WAC: variants seen among roughly 807,000 people sequenced by gnomAD.
WAC encodes WW domain containing adaptor with coiled-coil.
Under a neutral mutation model 79.6 loss-of-function variants are expected in WAC, and 11 were observed. That is an observed-to-expected ratio of 0.14 (90% CI 0.09 to 0.23). The LOEUF (loss-of-function observed/expected upper bound fraction) is 0.23. Among genes scored for constraint, WAC ranks in the 10% least tolerant of loss-of-function variants. WAC has a pLI of 1.00. For synonymous variants in WAC, 304 were observed against 276.9 expected, an observed-to-expected ratio of 1.10 and a Z score of -0.97; for missense variants, 728 against 773.5, an observed-to-expected ratio of 0.94 and a Z score of 0.70.
At chr10:28,611,751 T>G (rs781266495) in intron 9 of WAC, 23 bp from the exon 10 acceptor site, 60 of 1,600,462 alleles carry the variant, frequency 3.7e-5, no homozygotes, top group Non-Finnish European at 4.8e-5. Context: ...TTCTTTAAAA[T>G]TAATTGCTTC....
intron 3 of WAC, among the ~76,000 whole-genome samples, chr10:28,550,083 C>T (rs1837574833): frequency 6.6e-6 from 1 of 151,656 alleles, no homozygotes; most frequent in Non-Finnish European, 1.5e-5. Context: ...GCAGGAGAAT[C>T]GCTTGAACTT....
chr10:28,562,958 A>G (rs914695991), intron 3 of WAC, among the ~76,000 whole-genome samples: 1 of 152,192 alleles, frequency 6.6e-6, no homozygotes, highest in South Asian at 2.1e-4. Flanking sequence ...AACAATTACT[A>G]GTGTGCAGCG....
At chr10:28,537,026 G>A (rs1246870087) in intron 3 of WAC, among the ~76,000 whole-genome samples, 1 of 152,152 alleles carries the variant, frequency 6.6e-6, no homozygotes, top group Admixed American at 6.5e-5. Context: ...GCTTTATTCA[G>A]TGTGATCATA....
chr10:28,550,073 G>T (rs1348618883), intron 3 of WAC, among the ~76,000 whole-genome samples: 1 of 151,930 alleles, frequency 6.6e-6, no homozygotes, highest in East Asian at 1.9e-4. Context: ...GGCTGATGAG[G>T]CAGGAGAATC....
In WAC at chr10:28,534,955, G is replaced by C. The variant is rs566570038; in HGVS notation, c.79-607G>C. Among the ~76,000 whole-genome samples the C allele has an allele frequency of 3.5e-4, 53 of 152,256 alleles. No homozygotes were observed. In the East Asian group the frequency reaches 6.7e-3, roughly 19 times the overall value. ...GATATGTGTTAGAATAAAGCTAAAC[G>C]ATTATTTTGAGCGCATTATGCTTAG... is the stretch of plus-strand genomic sequence containing the variant. On this transcript the variant is annotated intron_variant, in intron 2 of 13. Transcript: ENST00000354911.
chr10:28,611,661 G>A (rs1163943492), intron 9 of WAC, 113 bp from the exon 10 acceptor site: 1 of 1,357,518 alleles, frequency 7.4e-7, no homozygotes, highest in African/African-American at 1.5e-5. Flanking sequence ...GGTAATATGG[G>A]GGTGGGGGGG....
chr10:28,544,513 C>T (rs1837245517), intron 3 of WAC, among the ~76,000 whole-genome samples: 1 of 152,160 alleles, frequency 6.6e-6, no homozygotes, highest in Non-Finnish European at 1.5e-5. Context: ...GCATTTACCT[C>T]AGTGCCCAGA....
chr10:28,592,168 A>G (rs1056918841), intron 6 of WAC, among the ~76,000 whole-genome samples: 1 of 152,232 alleles, frequency 6.6e-6, no homozygotes, highest in Non-Finnish European at 1.5e-5. Context: ...GAATTTTGAG[A>G]TGGAAGAATT....
At position 28,616,156 on chromosome 10, in the gene WAC, T is replaced by C. The variant is rs755423625; in HGVS notation, c.1557-17T>C. 1.3e-6 allele frequency: 2 copies of C among 1,567,952 alleles called. No homozygotes were observed. The highest frequency in any genetic ancestry group is 3.6e-5 in the Admixed American group (2 of 54,936). ...AACTACTTTTAAACATACTACACAT[T>C]CAATTCTGTTTTCTAGTAGCCAGAG... On this transcript the variant is annotated splice_polypyrimidine_tract_variant and intron_variant, in intron 11 of 13. Transcript: ENST00000354911.
At position 28,533,737 on chromosome 10, in the gene WAC, C is replaced by G. The variant is rs1298355580; in HGVS notation, c.41+117C>G. 3 of 699,430 alleles carry G rather than the reference C, an allele frequency of 4.3e-6. No homozygotes were observed. In the East Asian group the frequency reaches 2.1e-4, roughly 50 times the overall value. The allele number at this position is 699,430 out of a possible 1,614,324, so 43.3% of individuals were successfully genotyped here. ...TTTTGTTGTTAACCCTGATCCGGATCGGGTTGGGGAGGAGGAGCGGCCGCG... is the reference window on the plus strand; with the variant it reads ...TTTTGTTGTTAACCCTGATCCGGATGGGGTTGGGGAGGAGGAGCGGCCGCG... On this transcript the variant is annotated intron_variant, in intron 1 of 13. Transcript: ENST00000354911.
chr10:28,566,224 ATAAAT>A (rs1369404399), intron 3 of WAC, among the ~76,000 whole-genome samples: 3 of 152,164 alleles, frequency 2.0e-5, no homozygotes, highest in Admixed American at 1.3e-4. Context: ...TAAATGTTCA[ATAAAT>A]TAAATGTTTG....
intron 3 of WAC, among the ~76,000 whole-genome samples, chr10:28,559,136 A>ATGTGTGTGTGTGTGTGTG (rs111740298): frequency 0.042 from 6,148 of 146,628 alleles, 165 homozygotes; most frequent in African/African-American, 0.058. Context: ...GAGAAACCTG[A>ATGTGTGTGTGTGTGTGTG]TGTGTGTGTG....
intron 3 of WAC, among the ~76,000 whole-genome samples, chr10:28,580,256 G>A (rs187919788): frequency 3.6e-4 from 54 of 151,374 alleles, no homozygotes; most frequent in African/African-American, 1.2e-3. Context: ...GGTAACTTCT[G>A]TCAGGCTGGT....
At chr10:28,604,461 G>T (rs1840832975) in intron 7 of WAC, among the ~76,000 whole-genome samples, 1 of 152,176 alleles carries the variant, frequency 6.6e-6, no homozygotes, top group Non-Finnish European at 1.5e-5. Context: ...GCCCGGCGTG[G>T]TGGCTCATGC....
chr10:28,613,479 G>A lies in WAC; in HGVS notation c.1438-1088G>A, dbSNP rs1841342259. Reference sequence around the variant, plus strand: ...AGATCACGTCACTCTGCACTTGAGAGTAGGCAACCAGACTAAGACCCTGTC... The same window carrying A: ...AGATCACGTCACTCTGCACTTGAGAATAGGCAACCAGACTAAGACCCTGTC... On this transcript the variant is annotated intron_variant, in intron 10 of 13. Transcript: ENST00000354911. Among the ~76,000 whole-genome samples, 4 of 152,262 alleles carry A rather than the reference G, an allele frequency of 2.6e-5. No individual in the cohort carries two copies. In the South Asian group the frequency reaches 8.3e-4, roughly 32 times the overall value.
intron 6 of WAC, among the ~76,000 whole-genome samples, chr10:28,592,155 A>T (rs1186273649): frequency 6.6e-6 from 1 of 152,344 alleles, no homozygotes; most frequent in East Asian, 1.9e-4. Flanking sequence ...ATTAAAGAAC[A>T]TTGAATTTTG....
chr10:28,611,163 A>G, intron 9 of WAC: 1 of 830,854 alleles, frequency 1.2e-6, no homozygotes, highest in Non-Finnish European at 1.7e-6. Context: ...GAAACATTGC[A>G]TGTATTTGAA....
At chr10:28,583,162 G>A (rs923319668) in intron 3 of WAC, among the ~76,000 whole-genome samples, 1 of 151,982 alleles carries the variant, frequency 6.6e-6, no homozygotes, top group Non-Finnish European at 1.5e-5. Context: ...GTTGTTATAT[G>A]CTGCTGTTCC....
chr10:28,550,117 G>A (rs1047850049), intron 3 of WAC, among the ~76,000 whole-genome samples: 5 of 151,518 alleles, frequency 3.3e-5, no homozygotes, highest in African/African-American at 4.9e-5. Context: ...CGCGGTGAGC[G>A]GAGATCACAC....
Sources: allele counts gnomAD v4.1 joint callset (sites outside exome capture counted in the v4.1 genomes callset), GRCh38; gene constraint gnomAD v4.1.1; transcripts MANE v1.5; gene names NCBI Gene and HGNC (gene_info 2026-07-23, HGNC 2026-07-21).